ASIC2: variants seen among roughly 807,000 people sequenced by gnomAD.
The protein encoded by ASIC2 is acid-sensing ion channel 2.
Under a neutral mutation model 57.3 loss-of-function variants are expected in ASIC2, and 25 were observed. The observed-to-expected ratio is 0.44, with a 90% CI of 0.32 to 0.61. ASIC2 has a LOEUF of 0.61. Among genes scored for constraint, ASIC2 ranks in the 20% least tolerant of loss-of-function variants. The pLI is 0.06. For missense variants in ASIC2, 641 were observed against 738.1 expected (o/e 0.87, Z 1.52); for synonymous variants, 319 against 307.5 (o/e 1.04, Z -0.39).
At chr17:33,155,357 C>T (rs535500776) in intron 1 of ASIC2, among the ~76,000 whole-genome samples, 3 of 152,346 alleles carry the variant, frequency 2.0e-5, no homozygotes, top group East Asian at 1.9e-4. Flanking sequence ...TCTGCGCATC[C>T]ATCTGGAAAC....
chr17:33,405,532 G>A (rs1910442363), intron 1 of ASIC2, among the ~76,000 whole-genome samples: 1 of 140,350 alleles, frequency 7.1e-6, no homozygotes, highest in Non-Finnish European at 1.5e-5. Flanking sequence ...TGCCCAGGCT[G>A]CAGAGCAGTG....
intron 1 of ASIC2, among the ~76,000 whole-genome samples, chr17:33,612,698 T>A (rs917356383): frequency 1.3e-5 from 2 of 152,252 alleles, no homozygotes; most frequent in African/African-American, 2.4e-5. Flanking sequence ...ACTTACACAA[T>A]GCCAGGACAA....
rs1908365285 is a variant in ASIC2, at chr17:33,356,156, G to T, written c.556-244089C>A. Among the ~76,000 whole-genome samples, 3 of 152,342 alleles carry T rather than the reference G, an allele frequency of 2.0e-5. No individual in the cohort carries two copies. The South Asian group carries it at 6.2e-4, about 32-fold the overall frequency. ...ACCAAGGCAGGTGTGAAGGATAGGG[G>T]TAGGGTAGCAGTGAGTGATGAGGCT... is the stretch of plus-strand genomic sequence containing the variant. On this transcript the variant is annotated intron_variant, in intron 1 of 9. Transcript: ENST00000359872.
At chr17:33,779,056 T>C (rs1421737096) in intron 1 of ASIC2, among the ~76,000 whole-genome samples, 3 of 152,144 alleles carry the variant, frequency 2.0e-5, no homozygotes, top group Non-Finnish European at 1.5e-5. Context: ...ATCTGTTTCA[T>C]TGAGTCAAAT....
chr17:33,842,187 C>T (rs991433968), intron 1 of ASIC2, among the ~76,000 whole-genome samples: 1 of 152,176 alleles, frequency 6.6e-6, no homozygotes, highest in Non-Finnish European at 1.5e-5. Flanking sequence ...TCACTTAACA[C>T]CCTCCCCTTA....
rs190864621 is a variant in ASIC2, at chr17:33,677,914, A to G, written c.555+478064T>C. ...TAAAGCAGCAGCAGGGTTTGAGAAG[A>G]TTGACTCCAGTTTTGAAGGCGTGGG... On this transcript the variant is annotated intron_variant, in intron 1 of 9. Transcript: ENST00000359872. 2.0e-5 allele frequency among the ~76,000 whole-genome samples: 3 copies of G among 152,336 alleles called. No homozygotes were observed. The East Asian group carries it at 5.8e-4, about 29-fold the overall frequency.
chr17:33,524,963 G>A (rs1914844588), intron 1 of ASIC2, among the ~76,000 whole-genome samples: 1 of 152,170 alleles, frequency 6.6e-6, no homozygotes, highest in Admixed American at 6.5e-5. Flanking sequence ...TTGGGAATGT[G>A]ATTCCAGGGC....
intron 1 of ASIC2, among the ~76,000 whole-genome samples, chr17:33,730,301 A>C (rs1909702366): frequency 1.3e-5 from 2 of 152,224 alleles, no homozygotes; most frequent in Non-Finnish European, 2.9e-5. Flanking sequence ...AAATCAGAAC[A>C]GGCATTGCTC....
chr17:33,672,579 G>A (rs138448440), intron 1 of ASIC2, among the ~76,000 whole-genome samples: 6 of 152,254 alleles, frequency 3.9e-5, no homozygotes, highest in East Asian at 1.9e-4. Context: ...GATTTCACTC[G>A]CTTGGATTAG....
intron 1 of ASIC2, among the ~76,000 whole-genome samples, chr17:33,573,171 C>T (rs1208564624): frequency 6.6e-6 from 1 of 152,172 alleles, no homozygotes; most frequent in Non-Finnish European, 1.5e-5. Flanking sequence ...TATAAGGAAT[C>T]CAGAATAAGA....
At chr17:33,238,593 G>A (rs1191706167) in intron 1 of ASIC2, among the ~76,000 whole-genome samples, 1 of 152,130 alleles carries the variant, frequency 6.6e-6, no homozygotes, top group Admixed American at 6.6e-5. Context: ...TGTCAGCTCT[G>A]GCCAGACTCT....
intron 1 of ASIC2, among the ~76,000 whole-genome samples, chr17:33,328,150 GCTCTAC>G (rs1907152980): frequency 1.6e-4 from 2 of 12,758 alleles, no homozygotes; most frequent in Admixed American, 1.1e-3. Context: ...TGTTACAGCA[GCTCTAC>G]TAGGAAATAA....
chr17:33,483,929 G>T (rs1864425473), intron 1 of ASIC2, among the ~76,000 whole-genome samples: 1 of 152,154 alleles, frequency 6.6e-6, no homozygotes, highest in African/African-American at 2.4e-5. Context: ...GGTATCACAG[G>T]GGTCCTTGGA....
chr17:33,016,819 A>G (rs1469465168), intron 8 of ASIC2, among the ~76,000 whole-genome samples: 1 of 152,082 alleles, frequency 6.6e-6, no homozygotes, highest in African/African-American at 2.4e-5. Flanking sequence ...TTCTGGAGCC[A>G]TTGCCATTTT....
At chr17:33,700,595 C>G (rs112513830) in intron 1 of ASIC2, among the ~76,000 whole-genome samples, 1 of 152,044 alleles carries the variant, frequency 6.6e-6, no homozygotes, top group South Asian at 2.1e-4. Flanking sequence ...AAGACAGATG[C>G]GAAAAGGGTA....
At chr17:33,227,990 A>G (rs1907950809) in intron 1 of ASIC2, among the ~76,000 whole-genome samples, 1 of 152,160 alleles carries the variant, frequency 6.6e-6, no homozygotes, top group South Asian at 2.1e-4. Context: ...ATGAGAGAGT[A>G]TGGGGTCCAG....
At chr17:33,999,971 T>C (rs1906281805) in intron 1 of ASIC2, among the ~76,000 whole-genome samples, 1 of 152,098 alleles carries the variant, frequency 6.6e-6, no homozygotes, top group Admixed American at 6.5e-5. Flanking sequence ...ATTTTGTTTG[T>C]CTGTGGAAGT....
chr17:33,498,690 C>T (rs887383446), intron 1 of ASIC2, among the ~76,000 whole-genome samples: 3 of 152,168 alleles, frequency 2.0e-5, no homozygotes, highest in African/African-American at 7.2e-5. Context: ...GGCACAGAGC[C>T]TTTCTCCGGG....
At position 33,070,311 on chromosome 17, in the gene ASIC2, G is replaced by A. The variant is rs933220985; in HGVS notation, c.987+18552C>T. Reference sequence around the variant, plus strand: ...TATTTACCATTGTAGTTATAGGTTGGTGCAAAAGTAACCACAGTTTTCGCC... The same window carrying A: ...TATTTACCATTGTAGTTATAGGTTGATGCAAAAGTAACCACAGTTTTCGCC... On this transcript the variant is annotated intron_variant, in intron 3 of 9. Coordinates refer to ENST00000225823, the MANE Select transcript of ASIC2 (RefSeq NM_183377.2). Among the ~76,000 whole-genome samples, 4 of 150,314 alleles carry A rather than the reference G, an allele frequency of 2.7e-5. No individual in the cohort carries two copies. The East Asian group carries it at 5.9e-4, about 22-fold the overall frequency.
Sources: allele counts gnomAD v4.1 joint callset (sites outside exome capture counted in the v4.1 genomes callset), GRCh38; gene constraint gnomAD v4.1.1; transcripts MANE v1.5; gene names NCBI Gene and HGNC (gene_info 2026-07-23, HGNC 2026-07-21).